The following RAB2B variants were observed in gnomAD, a reference collection of about 807,000 sequenced individuals.
RAB2B encodes the protein RAB2B, member RAS oncogene family.
Under a neutral mutation model 29.8 loss-of-function variants are expected in RAB2B, and 20 were observed. That is an observed-to-expected ratio of 0.67 (90% CI 0.47 to 0.97). The LOEUF is 0.97. RAB2B is among the 50% of genes least tolerant of loss of function. The pLI, the probability that RAB2B is intolerant of heterozygous loss-of-function variation, is 0.00. For missense variants in RAB2B, 218 were observed against 272.0 expected (o/e 0.80, Z 1.40); for synonymous variants, 93 against 91.7 (o/e 1.01, Z -0.08).
chr14:21,473,966 C>T (rs1342800096), intron 3 of RAB2B, among the ~76,000 whole-genome samples: 2 of 152,062 alleles, frequency 1.3e-5, no homozygotes, highest in Non-Finnish European at 2.9e-5. Context: ...GAGCTGAGAT[C>T]ACGCCACTGC....
At chr14:21,469,050 C>T (rs892134739) in intron 3 of RAB2B, among the ~76,000 whole-genome samples, 1 of 149,704 alleles carries the variant, frequency 6.7e-6, no homozygotes, top group Non-Finnish European at 1.5e-5. Context: ...ACCTGTGGCA[C>T]CCCAGTCAGC....
rs754892662 is a variant in RAB2B, at chr14:21,460,144, C to G, written c.*1052G>C. 1 of 518,486 alleles carries G rather than the reference C, an allele frequency of 1.9e-6. No individual in the cohort carries two copies. The highest frequency in any genetic ancestry group is 1.9e-5 in the Admixed American group (1 of 51,504). The allele number at this position is 518,486 out of a possible 1,614,324, so 32.1% of individuals were successfully genotyped here. A position where few individuals can be genotyped will look rare whatever the true frequency, so the allele number is the denominator to read the frequency against. The stretch of plus-strand genomic sequence containing the variant: ...TTCTTAGGAAGTGGCAAGCAGACAC[C>G]CAAAGGCAAGGAAGAAAAAAACTCA... On this transcript the variant is annotated 3_prime_UTR_variant, in exon 8 of 8. Transcript: ENST00000397762.
chr14:21,461,948 G>C (rs1890565817), intron 7 of RAB2B, among the ~76,000 whole-genome samples: 1 of 152,222 alleles, frequency 6.6e-6, no homozygotes, highest in Non-Finnish European at 1.5e-5. Context: ...CGAGGTAGAA[G>C]TGGAGGCGGC....
intron 7 of RAB2B, among the ~76,000 whole-genome samples, chr14:21,462,003 T>C (rs1425384993): frequency 2.0e-5 from 3 of 152,078 alleles, no homozygotes; most frequent in Non-Finnish European, 4.4e-5. Context: ...TGTTCCAGAA[T>C]TTACTTTATA....
chr14:21,460,490 CAGG>C lies in RAB2B; in HGVS notation c.*703_*705del, dbSNP rs1344426727. ...GTCCCAGCTACTCGGGAGGTTGAGG[CAGG>C]AGAACTGCTTGAACCTGGAAAGTGG... On this transcript the variant is annotated 3_prime_UTR_variant, in exon 8 of 8. Coordinates refer to ENST00000397762, the MANE Select transcript of RAB2B (RefSeq NM_032846.4). 1.5e-5 allele frequency: 4 copies of C among 271,274 alleles called. No homozygotes were observed. The Admixed American group carries it at 2.0e-4, about 14-fold the overall frequency. The allele number at this position is 271,274 out of a possible 1,614,324, so 16.8% of individuals were successfully genotyped here.
chr14:21,470,439 A>G (rs1180834606), intron 3 of RAB2B, among the ~76,000 whole-genome samples: 1 of 152,150 alleles, frequency 6.6e-6, no homozygotes, highest in Non-Finnish European at 1.5e-5. Flanking sequence ...AGGTGAGAAG[A>G]GAATTCCAGT....
chr14:21,472,677 G>C (rs1890847188), intron 3 of RAB2B, among the ~76,000 whole-genome samples: 1 of 152,174 alleles, frequency 6.6e-6, no homozygotes, highest in Non-Finnish European at 1.5e-5. Flanking sequence ...CCAGTTGGAT[G>C]ACCATGTAGT....
chr14:21,466,385 A>C (rs1426473522), intron 5 of RAB2B, among the ~76,000 whole-genome samples: 1 of 152,134 alleles, frequency 6.6e-6, no homozygotes, highest in African/African-American at 2.4e-5. Flanking sequence ...TACTCGGGAG[A>C]CTGAGGCAGG....
At chr14:21,466,049 A>G (rs1890678269) in intron 5 of RAB2B, among the ~76,000 whole-genome samples, 2 of 152,222 alleles carry the variant, frequency 1.3e-5, no homozygotes, top group South Asian at 4.1e-4. Context: ...CACAATTTAC[A>G]ATTTGATACA....
Position 21,462,430 on chromosome 14 carries a change from A to G in RAB2B, c.475-12T>C, listed in dbSNP as rs778992876. 1.9e-6 allele frequency: 3 copies of G among 1,603,488 alleles called. No individual in the cohort carries two copies. The East Asian group carries it at 6.7e-5, about 36-fold the overall frequency. ...GTGTTAATGAAGGCCTGAAAGAGAC[A>G]TAAATCGTATCATCAGTCTCAAGTT... On this transcript the variant is annotated splice_polypyrimidine_tract_variant and intron_variant, in intron 6 of 7. Coordinates refer to ENST00000397762, the MANE Select transcript of RAB2B (RefSeq NM_032846.4).
rs1555322039 is a variant in RAB2B, at chr14:21,460,586, C to CCAA, written c.*609_*610insTTG. On this transcript the variant is annotated 3_prime_UTR_variant, in exon 8 of 8. Transcript: ENST00000397762. ...GAGACAGAGTGAGACTCCATCCCCCCAAAAAAAAAAAAAAAAAAAGAAAAA... is the reference window on the plus strand; with the variant it reads ...GAGACAGAGTGAGACTCCATCCCCCCCAAAAAAAAAAAAAAAAAAAAAGAAAAA... 2 of 119,960 alleles carry CCAA rather than the reference C, an allele frequency of 1.7e-5. No individual in the cohort carries two copies. Among genetic ancestry groups the CCAA allele is most frequent in the Non-Finnish European group, 3.2e-5 (2 of 61,630 alleles). The allele number at this position is 119,960 out of a possible 1,614,324, so 7.4% of individuals were successfully genotyped here.
chr14:21,461,760 G>T (rs1890561534), intron 7 of RAB2B, among the ~76,000 whole-genome samples: 1 of 152,026 alleles, frequency 6.6e-6, no homozygotes. Context: ...TTTAGAGACG[G>T]AGTCTCTCTT....
At chr14:21,476,362 C>A in intron 2 of RAB2B, 166 bp downstream of exon 2, 1 of 678,338 alleles carries the variant, frequency 1.5e-6, no homozygotes. Flanking sequence ...CACTACTCCC[C>A]ACATATCAAC....
At chr14:21,474,791 C>T (rs746940353) in intron 3 of RAB2B, 76 bp downstream of exon 3, 9 of 1,184,200 alleles carry the variant, frequency 7.6e-6, no homozygotes, top group South Asian at 2.4e-5. Context: ...CCACCCTCAT[C>T]GCCCCTTTCC....
At chr14:21,476,060 T>A (rs1305913921) in intron 2 of RAB2B, among the ~76,000 whole-genome samples, 2 of 152,280 alleles carry the variant, frequency 1.3e-5, no homozygotes, top group South Asian at 4.1e-4. Flanking sequence ...GTTAACACAC[T>A]CTTTCATTTA....
chr14:21,471,484 G>A (rs1482840242), intron 3 of RAB2B, among the ~76,000 whole-genome samples: 1 of 151,864 alleles, frequency 6.6e-6, no homozygotes, highest in Non-Finnish European at 1.5e-5. Flanking sequence ...CAGGTGTGAT[G>A]GCACACATCT....
intron 6 of RAB2B, 129 bp from the exon 7 acceptor site, chr14:21,462,547 CATAG>C (rs1225168926): frequency 4.4e-6 from 4 of 908,300 alleles, no homozygotes; most frequent in Admixed American, 6.1e-5. Flanking sequence ...CAGTAAAAAA[CATAG>C]AAGGTCGGTT....
At chr14:21,472,150 T>A (rs577956367) in intron 3 of RAB2B, among the ~76,000 whole-genome samples, 10 of 152,102 alleles carry the variant, frequency 6.6e-5, no homozygotes, top group East Asian at 5.8e-4. Flanking sequence ...GAAAAAAAAA[T>A]TTTAATTGCA....
intron 2 of RAB2B, among the ~76,000 whole-genome samples, chr14:21,475,659 C>T (rs1375410944): frequency 6.6e-6 from 1 of 152,122 alleles, no homozygotes; most frequent in Non-Finnish European, 1.5e-5. Flanking sequence ...GCATTGTTGC[C>T]TTGTTAAGCA....
Sources: allele counts gnomAD v4.1 joint callset (sites outside exome capture counted in the v4.1 genomes callset), GRCh38; gene constraint gnomAD v4.1.1; transcripts MANE v1.5; gene names NCBI Gene and HGNC (gene_info 2026-07-23, HGNC 2026-07-21).